The following AGBL4 variants were observed in gnomAD, a reference collection of about 807,000 sequenced individuals.
AGBL4 encodes the protein cytosolic carboxypeptidase 6.
In AGBL4, 58 loss-of-function variants were observed where a neutral mutation model predicts 66.4. The observed-to-expected ratio is 0.87, with a 90% confidence interval of 0.71 to 1.09. The LOEUF (loss-of-function observed/expected upper bound fraction) is 1.09. AGBL4 is among the 50% of genes least tolerant of loss of function. The pLI, the probability that AGBL4 is intolerant of heterozygous loss-of-function variation, is 0.00. For synonymous variants in AGBL4, 234 were observed against 222.9 expected (o/e 1.05, Z -0.44); for missense variants, 579 against 631.0 (o/e 0.92, Z 0.88).
Position 49,341,712 on chromosome 1 carries a change from C to T in AGBL4, c.283-95848G>A, listed in dbSNP as rs189268198. On this transcript the variant is annotated intron_variant, in intron 3 of 13. Coordinates refer to ENST00000371839, the MANE Select transcript of AGBL4 (RefSeq NM_032785.4). Reference sequence around the variant, plus strand: ...TAGGACGTGAGAAACTTTTTCTCTCCCAAAGGGGGAAATTTAAGAGCTGAT... The same window carrying T: ...TAGGACGTGAGAAACTTTTTCTCTCTCAAAGGGGGAAATTTAAGAGCTGAT... Among the ~76,000 whole-genome samples the T allele has an allele frequency of 1.4e-3, 211 of 152,116 alleles. 1 individual carries two copies. Among genetic ancestry groups the T allele is most frequent in the Admixed American group, 4.8e-3 (73 of 15,276 alleles).
At chr1:49,151,285 T>A (rs36055707) in intron 4 of AGBL4, among the ~76,000 whole-genome samples, 55,211 of 136,130 alleles carry the variant, frequency 0.41, 12,453 homozygotes, top group Middle Eastern at 0.54. Flanking sequence ...AAAAAAAATA[T>A]ATATATATAT....
In AGBL4 at chr1:49,862,554, A is replaced by G. The variant is rs188662595; in HGVS notation, c.35-11036T>C. 4.8e-3 allele frequency among the ~76,000 whole-genome samples: 726 copies of G among 152,284 alleles called. 5 individuals carry two copies. Among genetic ancestry groups the G allele is most frequent in the Admixed American group, 9.2e-3 (140 of 15,300 alleles). ...AGCACAAAAAGGTTATGGAACACCA[A>G]TGAGATTTAACCCAAAGAAGGGTTA... On this transcript the variant is annotated intron_variant, in intron 1 of 13. Transcript: ENST00000371839.
At chr1:48,675,367 A>G (rs927820856) in intron 6 of AGBL4, among the ~76,000 whole-genome samples, 1 of 152,190 alleles carries the variant, frequency 6.6e-6, no homozygotes, top group African/African-American at 2.4e-5. Context: ...TCCATGCCAC[A>G]TTATTTGCTA....
intron 1 of AGBL4, among the ~76,000 whole-genome samples, chr1:49,885,225 T>G (rs1290722379): frequency 6.6e-6 from 1 of 151,998 alleles, no homozygotes; most frequent in Non-Finnish European, 1.5e-5. Context: ...AAAAGTTCCA[T>G]TATAAAGCCA....
chr1:48,812,850 T>C (rs918288540), intron 6 of AGBL4, among the ~76,000 whole-genome samples: 1 of 151,730 alleles, frequency 6.6e-6, no homozygotes, highest in Admixed American at 6.6e-5. Context: ...CTCAGCAAAC[T>C]ATCGCAAGGA....
At chr1:49,812,940 C>T (rs895815700) in intron 2 of AGBL4, among the ~76,000 whole-genome samples, 1 of 152,034 alleles carries the variant, frequency 6.6e-6, no homozygotes, top group African/African-American at 2.4e-5. Context: ...ATATAAATAT[C>T]CCAGATGAAA....
At chr1:48,985,223 A>G (rs1343567427) in intron 5 of AGBL4, among the ~76,000 whole-genome samples, 1 of 152,180 alleles carries the variant, frequency 6.6e-6, no homozygotes, top group Non-Finnish European at 1.5e-5. Context: ...AGGCCAGGGC[A>G]CAGGGAGGGA....
At chr1:48,759,555 C>T (rs1473773494) in intron 6 of AGBL4, among the ~76,000 whole-genome samples, 2 of 152,218 alleles carry the variant, frequency 1.3e-5, no homozygotes, top group Non-Finnish European at 2.9e-5. Flanking sequence ...TTCCTTTTCA[C>T]CACTCTGCCT....
At chr1:48,537,929 C>T (rs937569280) in intron 12 of AGBL4, among the ~76,000 whole-genome samples, 20 of 152,214 alleles carry the variant, frequency 1.3e-4, no homozygotes, top group Non-Finnish European at 2.5e-4. Flanking sequence ...CTCATCCCAG[C>T]ACTTCCCTCC....
intron 2 of AGBL4, among the ~76,000 whole-genome samples, chr1:49,779,729 C>T (rs1207452296): frequency 6.6e-6 from 1 of 152,078 alleles, no homozygotes; most frequent in Admixed American, 6.6e-5. Context: ...CAGTTTTCCC[C>T]ATGAAGCTTG....
In AGBL4 at chr1:49,310,569, T is replaced by C. The variant is rs535518893; in HGVS notation, c.283-64705A>G. Among the ~76,000 whole-genome samples the C allele has an allele frequency of 2.1e-4, 32 of 152,246 alleles. No homozygotes were observed. The East Asian group carries it at 6.2e-3, about 29-fold the overall frequency. On this transcript the variant is annotated intron_variant, in intron 3 of 13. Transcript: ENST00000371839. The stretch of plus-strand genomic sequence containing the variant: ...ATTGTGGCCACAATCAATGGACTCA[T>C]ATAAGCCTCTCTTTAATCTGTTTAA...
chr1:49,126,866 T>C (rs899295349), intron 4 of AGBL4, among the ~76,000 whole-genome samples: 4 of 152,130 alleles, frequency 2.6e-5, no homozygotes, highest in Non-Finnish European at 4.4e-5. Context: ...AGTACAAAGC[T>C]TAGCAGGTTG....
At position 48,762,579 on chromosome 1, in the gene AGBL4, G is replaced by A. The variant is rs142319832; in HGVS notation, c.635-99338C>T. 2.1e-3 allele frequency among the ~76,000 whole-genome samples: 324 copies of A among 151,076 alleles called. 1 individual carries two copies. Among genetic ancestry groups the A allele is most frequent in the South Asian group, 4.0e-3 (19 of 4,786 alleles). ...TGCCCAATGTTGGATGTAGCATATG[G>A]CCAGGTAGTTAGTTAAATCCAGTCT... is the stretch of plus-strand genomic sequence containing the variant. On this transcript the variant is annotated intron_variant, in intron 6 of 13. Coordinates refer to ENST00000371839, the MANE Select transcript of AGBL4 (RefSeq NM_032785.4).
At chr1:49,735,304 T>G (rs992209779) in intron 2 of AGBL4, among the ~76,000 whole-genome samples, 2 of 149,204 alleles carry the variant, frequency 1.3e-5, no homozygotes, top group Non-Finnish European at 3.0e-5. Flanking sequence ...TGGGTGTGTG[T>G]GTGTGTGTGT....
intron 3 of AGBL4, among the ~76,000 whole-genome samples, chr1:49,677,096 C>A (rs557229098): frequency 6.6e-6 from 1 of 151,998 alleles, no homozygotes; most frequent in Non-Finnish European, 1.5e-5. Flanking sequence ...CATTACCTGG[C>A]ACCTCCCAAA....
At chr1:49,288,212 G>T (rs1422316284) in intron 3 of AGBL4, among the ~76,000 whole-genome samples, 3 of 120,592 alleles carry the variant, frequency 2.5e-5, no homozygotes, top group East Asian at 2.8e-4. Flanking sequence ...TGGGGACTGT[G>T]GTGGGGTGGG....
At chr1:49,422,889 C>T (rs1055332832) in intron 3 of AGBL4, among the ~76,000 whole-genome samples, 12 of 152,158 alleles carry the variant, frequency 7.9e-5, no homozygotes, top group African/African-American at 2.9e-4. Flanking sequence ...AAGGGCAATA[C>T]CGTGTGCTCT....
intron 3 of AGBL4, among the ~76,000 whole-genome samples, chr1:49,577,744 C>T (rs1301801938): frequency 6.6e-6 from 1 of 152,200 alleles, no homozygotes; most frequent in Non-Finnish European, 1.5e-5. Context: ...CTGGTCTTAC[C>T]ATGTTCCTCA....
intron 1 of AGBL4, among the ~76,000 whole-genome samples, chr1:49,942,663 T>C (rs1251813313): frequency 1.3e-5 from 2 of 152,148 alleles, no homozygotes; most frequent in African/African-American, 4.8e-5. Flanking sequence ...CCTTGTACCA[T>C]ACGTACACAA....
Sources: gnomAD v4.1 joint callset for allele counts (sites outside exome capture counted in the v4.1 genomes callset) on GRCh38, gnomAD v4.1.1 for gene constraint, MANE v1.5 for transcripts, NCBI Gene and HGNC (gene_info 2026-07-23, HGNC 2026-07-21) for gene names.